The following GRM7 variants were observed in gnomAD, a reference collection of about 807,000 sequenced individuals.
GRM7 encodes glutamate metabotropic receptor 7, also known as metabotropic glutamate receptor 7.
Under a neutral mutation model 84.5 loss-of-function variants are expected in GRM7, and 35 were observed. The observed-to-expected ratio is 0.41, with a 90% CI of 0.32 to 0.55. The LOEUF (loss-of-function observed/expected upper bound fraction) is 0.55, where lower values mean the gene tolerates loss of function less well. Ranked by LOEUF, GRM7 falls within the 20% of genes least tolerant of loss-of-function variation. The pLI is 0.19. For missense variants in GRM7, 1,003 were observed against 1,194.6 expected, an observed-to-expected ratio of 0.84 and a Z score of 2.36; for synonymous variants, 487 against 455.1, an observed-to-expected ratio of 1.07 and a Z score of -0.89.
Position 7,037,979 on chromosome 3 carries a change from A to T in GRM7, c.520-108473A>T, listed in dbSNP as rs144445814. ...AATTTAAATAGTCTAATTGCTTGCC[A>T]TATTAAAGAGGTAGTTTTTTTCTTC... On this transcript the variant is annotated intron_variant, in intron 1 of 9. Transcript: ENST00000357716. Among the ~76,000 whole-genome samples the T allele has an allele frequency of 3.8e-3, 574 of 152,316 alleles. 1 individual carries two copies. Among genetic ancestry groups the T allele is most frequent in the African/African-American group, 0.013 (548 of 41,582 alleles).
At chr3:7,167,063 T>C (rs564058585) in intron 2 of GRM7, among the ~76,000 whole-genome samples, 35 of 152,312 alleles carry the variant, frequency 2.3e-4, no homozygotes, top group African/African-American at 8.4e-4. Context: ...GTAGACAACA[T>C]GGCTTTTTGT....
chr3:7,598,048 A>G (rs1234138131), intron 8 of GRM7, among the ~76,000 whole-genome samples: 3 of 152,168 alleles, frequency 2.0e-5, no homozygotes, highest in African/African-American at 7.2e-5. Context: ...TGACCCTAGG[A>G]TACAGGTATT....
At chr3:7,032,608 G>A (rs1696231567) in intron 1 of GRM7, among the ~76,000 whole-genome samples, 3 of 152,064 alleles carry the variant, frequency 2.0e-5, no homozygotes, top group Admixed American at 2.0e-4. Flanking sequence ...TCAGATAGGG[G>A]CTAATAGATC....
At chr3:7,640,856 T>A (rs1283557749) in intron 8 of GRM7, among the ~76,000 whole-genome samples, 1 of 152,212 alleles carries the variant, frequency 6.6e-6, no homozygotes, top group East Asian at 1.9e-4. Context: ...TATAATGCAA[T>A]GTCAAGACCT....
chr3:7,244,693 C>A (rs1038378179), intron 2 of GRM7, among the ~76,000 whole-genome samples: 12 of 151,978 alleles, frequency 7.9e-5, no homozygotes, highest in Admixed American at 2.6e-4. Context: ...ACTGCTAGAA[C>A]AAAACAATAG....
At chr3:7,416,015 A>G (rs1314147188) in intron 5 of GRM7, among the ~76,000 whole-genome samples, 1 of 152,184 alleles carries the variant, frequency 6.6e-6, no homozygotes, top group African/African-American at 2.4e-5. Context: ...GAAGAAATGG[A>G]CATTGGCTGG....
At chr3:7,565,588 G>C (rs929947441) in intron 7 of GRM7, among the ~76,000 whole-genome samples, 4 of 152,174 alleles carry the variant, frequency 2.6e-5, no homozygotes, top group Non-Finnish European at 4.4e-5. Flanking sequence ...ATCCAGGAGA[G>C]TGAAGCCAGC....
At chr3:7,499,275 C>G (rs1469475133) in intron 7 of GRM7, among the ~76,000 whole-genome samples, 1 of 152,166 alleles carries the variant, frequency 6.6e-6, no homozygotes, top group Non-Finnish European at 1.5e-5. Context: ...CAGGCCTTTC[C>G]TAACCTAGCC....
At position 7,224,588 on chromosome 3, in the gene GRM7, G is replaced by A. The variant is rs191679579; in HGVS notation, c.737-74096G>A. Among the ~76,000 whole-genome samples the A allele has an allele frequency of 2.0e-5, 3 of 152,270 alleles. No homozygotes were observed. In the East Asian group the frequency reaches 5.8e-4, roughly 29 times the overall value. On this transcript the variant is annotated intron_variant, in intron 2 of 9. Transcript: ENST00000357716. ...TTTAGGTCCTATTTAAGAAATGTAA[G>A]AGAAATGAGGAGCTTAGTGGATGGT...
Position 7,015,671 on chromosome 3 carries a change from C to T in GRM7, c.520-130781C>T, listed in dbSNP as rs554335015. Among the ~76,000 whole-genome samples the T allele has an allele frequency of 7.2e-5, 11 of 152,286 alleles. No homozygotes were observed. The East Asian group carries it at 1.5e-3, about 21-fold the overall frequency. Reference sequence around the variant, plus strand: ...AGCGATTTTCAGGCTTGAGTAGAGCCAGAGAATACATTTCCAACATTCCTC... The same window carrying T: ...AGCGATTTTCAGGCTTGAGTAGAGCTAGAGAATACATTTCCAACATTCCTC... On this transcript the variant is annotated intron_variant, in intron 1 of 9. Coordinates refer to ENST00000357716, the MANE Select transcript of GRM7 (RefSeq NM_000844.4).
chr3:7,247,185 C>T (rs1697795303), intron 2 of GRM7, among the ~76,000 whole-genome samples: 1 of 152,144 alleles, frequency 6.6e-6, no homozygotes, highest in East Asian at 1.9e-4. Context: ...AGAGTTAAAC[C>T]TATGAAGTTT....
intron 8 of GRM7, among the ~76,000 whole-genome samples, chr3:7,660,218 C>T (rs1430040063): frequency 6.6e-6 from 1 of 152,174 alleles, no homozygotes; most frequent in Non-Finnish European, 1.5e-5. Flanking sequence ...GCTTTAACCA[C>T]ATGATCAAAT....
chr3:7,490,137 T>C (rs1158338006), intron 7 of GRM7, among the ~76,000 whole-genome samples: 2 of 152,112 alleles, frequency 1.3e-5, no homozygotes, highest in East Asian at 1.9e-4. Flanking sequence ...AAACTGCCCA[T>C]TGGAATTTAG....
At chr3:7,345,696 T>C (rs1019356760) in intron 4 of GRM7, among the ~76,000 whole-genome samples, 7 of 152,130 alleles carry the variant, frequency 4.6e-5, no homozygotes, top group African/African-American at 1.7e-4. Flanking sequence ...GATTATAATG[T>C]GCTTGGCCAG....
intron 4 of GRM7, among the ~76,000 whole-genome samples, chr3:7,356,096 C>T (rs1693386610): frequency 6.6e-6 from 1 of 152,104 alleles, no homozygotes. Flanking sequence ...AATGATCAGA[C>T]ACATGTGATT....
intron 2 of GRM7, among the ~76,000 whole-genome samples, chr3:7,195,888 T>C (rs1377100557): frequency 1.3e-5 from 2 of 152,144 alleles, no homozygotes; most frequent in Non-Finnish European, 2.9e-5. Flanking sequence ...GTATAAACTT[T>C]CTAAGGTCTG....
At chr3:7,097,621 A>T (rs1698902695) in intron 1 of GRM7, among the ~76,000 whole-genome samples, 1 of 152,104 alleles carries the variant, frequency 6.6e-6, no homozygotes, top group Non-Finnish European at 1.5e-5. Flanking sequence ...TTAATTTTTG[A>T]CTAAATGTGA....
At chr3:6,940,469 C>T (rs1347826221) in intron 1 of GRM7, among the ~76,000 whole-genome samples, 2 of 152,136 alleles carry the variant, frequency 1.3e-5, no homozygotes, top group East Asian at 3.8e-4. Context: ...TTAACTCACA[C>T]CTATAATTCT....
rs1376222688 is a variant in GRM7 at position 6,993,032 on chromosome 3, C to A, written c.519+131125C>A. Among the ~76,000 whole-genome samples, 5 of 152,342 alleles carry A rather than the reference C, an allele frequency of 3.3e-5. No individual in the cohort carries two copies. The East Asian group carries it at 7.7e-4, about 23-fold the overall frequency. On this transcript the variant is annotated intron_variant, in intron 1 of 9. Coordinates refer to ENST00000357716, the MANE Select transcript of GRM7 (RefSeq NM_000844.4). Reference sequence around the variant, plus strand: ...ATAAAGGAAAGAGGTTGAATTCACTCAGTTCAGCATGGCTGGGGAAGCCTC... The same window carrying A: ...ATAAAGGAAAGAGGTTGAATTCACTAAGTTCAGCATGGCTGGGGAAGCCTC...
Sources: gnomAD v4.1 joint callset for allele counts (sites outside exome capture counted in the v4.1 genomes callset) on GRCh38, gnomAD v4.1.1 for gene constraint, MANE v1.5 for transcripts, NCBI Gene and HGNC (gene_info 2026-07-23, HGNC 2026-07-21) for gene names.